RGS7: variants seen among roughly 807,000 people sequenced by gnomAD.
RGS7 encodes the protein regulator of G-protein signaling 7.
In RGS7, 27 loss-of-function variants were observed where a neutral mutation model predicts 81.1. The observed-to-expected ratio is 0.33, with a 90% CI of 0.25 to 0.46. The LOEUF is 0.46. Ranked by LOEUF, RGS7 falls within the 20% of genes least tolerant of loss-of-function variation. The pLI, the probability that RGS7 is intolerant of heterozygous loss-of-function variation, is 1.00. For synonymous variants in RGS7, 208 were observed against 207.7 expected (o/e 1.00, Z -0.01); for missense variants, 396 against 607.4 (o/e 0.65, Z 3.66).
intron 2 of RGS7, among the ~76,000 whole-genome samples, chr1:241,299,183 C>T (rs1014758271): frequency 2.0e-5 from 3 of 152,130 alleles, no homozygotes; most frequent in African/African-American, 7.2e-5. Context: ...ACAGGGCTAA[C>T]GAATCTGAGC....
chr1:240,823,084 G>A, intron 10 of RGS7: 1 of 842,966 alleles, frequency 1.2e-6, no homozygotes, highest in Non-Finnish European at 2.0e-6. Context: ...TGGAATTGCT[G>A]AAATAAGTGA....
At chr1:240,860,345 T>C (rs933631529) in intron 9 of RGS7, among the ~76,000 whole-genome samples, 2 of 152,170 alleles carry the variant, frequency 1.3e-5, no homozygotes, top group Admixed American at 6.5e-5. Flanking sequence ...CATTTCTCCT[T>C]GTACTTCTTT....
chr1:240,948,943 C>T (rs1000116832), intron 4 of RGS7, among the ~76,000 whole-genome samples: 30 of 151,860 alleles, frequency 2.0e-4, no homozygotes, highest in African/African-American at 5.1e-4. Flanking sequence ...TTTATTTTCT[C>T]GTTCTTCATT....
At chr1:241,211,151 G>A in intron 2 of RGS7, among the ~76,000 whole-genome samples, 1 of 152,124 alleles carries the variant, frequency 6.6e-6, no homozygotes, top group East Asian at 1.9e-4. Context: ...TGGGTGTGGT[G>A]GCGCTTGCCT....
chr1:241,274,053 C>T (rs970616279), intron 2 of RGS7, among the ~76,000 whole-genome samples: 1 of 152,150 alleles, frequency 6.6e-6, no homozygotes, highest in African/African-American at 2.4e-5. Flanking sequence ...AAATGTCTTG[C>T]CACTTTCTGG....
intron 2 of RGS7, among the ~76,000 whole-genome samples, chr1:241,295,264 T>C (rs1055730369): frequency 4.6e-5 from 7 of 150,840 alleles, no homozygotes; most frequent in South Asian, 2.1e-4. Context: ...CTGACGAACA[T>C]GATGAAACCC....
intron 2 of RGS7, among the ~76,000 whole-genome samples, chr1:241,328,958 A>T (rs1477038716): frequency 6.6e-6 from 1 of 152,204 alleles, no homozygotes; most frequent in East Asian, 1.9e-4. Flanking sequence ...CTAGAAATCA[A>T]CAATAAATGT....
At chr1:240,970,004 A>G (rs1349290786) in intron 4 of RGS7, among the ~76,000 whole-genome samples, 1 of 152,202 alleles carries the variant, frequency 6.6e-6, no homozygotes, top group Non-Finnish European at 1.5e-5. Flanking sequence ...GTTCAGAATA[A>G]TATATATCAA....
At chr1:241,232,114 T>C (rs2148066859) in intron 2 of RGS7, among the ~76,000 whole-genome samples, 1 of 152,354 alleles carries the variant, frequency 6.6e-6, no homozygotes, top group Middle Eastern at 3.4e-3. Flanking sequence ...TTTACACCTA[T>C]GTTGAAAACC....
chr1:240,799,743 A>C (rs1687729171), intron 18 of RGS7, among the ~76,000 whole-genome samples: 1 of 152,210 alleles, frequency 6.6e-6, no homozygotes, highest in South Asian at 2.1e-4. Context: ...AAAGGGTTGG[A>C]CATGGCTGCA....
chr1:241,218,097 C>G (rs1347314477), intron 2 of RGS7, among the ~76,000 whole-genome samples: 2 of 152,112 alleles, frequency 1.3e-5, no homozygotes, highest in African/African-American at 4.8e-5. Flanking sequence ...GCATGATGTT[C>G]TTCCTCACCT....
chr1:241,352,197 T>A (rs1414609497), intron 2 of RGS7, among the ~76,000 whole-genome samples: 1 of 152,162 alleles, frequency 6.6e-6, no homozygotes, highest in East Asian at 1.9e-4. Context: ...AACACTGAGT[T>A]TTGACTTGTC....
At chr1:241,131,702 CT>C (rs1250319575) in intron 2 of RGS7, among the ~76,000 whole-genome samples, 2 of 152,136 alleles carry the variant, frequency 1.3e-5, no homozygotes, top group Non-Finnish European at 2.9e-5. Context: ...GTCCTCTTTC[CT>C]TTTTACTATT....
chr1:241,331,384 A>G (rs1023560953), intron 2 of RGS7, among the ~76,000 whole-genome samples: 2 of 152,202 alleles, frequency 1.3e-5, no homozygotes, highest in Non-Finnish European at 2.9e-5. Flanking sequence ...GCTACATGCA[A>G]CTTAGCTTTG....
chr1:241,255,021 C>T (rs1573373734), intron 2 of RGS7, among the ~76,000 whole-genome samples: 2 of 152,264 alleles, frequency 1.3e-5, no homozygotes, highest in East Asian at 3.9e-4. Flanking sequence ...TAGAAGATGA[C>T]TGTTGAAGTC....
intron 9 of RGS7, among the ~76,000 whole-genome samples, chr1:240,865,064 C>T (rs1662983322): frequency 6.6e-6 from 1 of 152,002 alleles, no homozygotes; most frequent in Non-Finnish European, 1.5e-5. Context: ...AAGTGATCTG[C>T]TAGCTGCTTT....
intron 10 of RGS7, among the ~76,000 whole-genome samples, chr1:240,818,098 C>G (rs1007483881): frequency 8.6e-5 from 13 of 151,880 alleles, no homozygotes. Flanking sequence ...TAATGCCAAA[C>G]AAGAGGCAGG....
rs535560127 is a variant in RGS7 at position 240,777,429 on chromosome 1, T to C, written c.*7-1216A>G. On this transcript the variant is annotated intron_variant, in intron 18 of 18. Coordinates refer to ENST00000440928, the MANE Select transcript of RGS7 (RefSeq NM_001364886.1). ...GTACATCTCAGAAGATAAGTAAAAATTAAAAAATTGGAAACATATATTTTA... is the reference window on the plus strand; with the variant it reads ...GTACATCTCAGAAGATAAGTAAAAACTAAAAAATTGGAAACATATATTTTA... Among the ~76,000 whole-genome samples, 78 of 152,290 alleles carry C rather than the reference T, an allele frequency of 5.1e-4. 1 individual carries two copies. The Middle Eastern group carries it at 0.01, about 20-fold the overall frequency.
chr1:241,267,066 T>G (rs1348890384), intron 2 of RGS7, among the ~76,000 whole-genome samples: 1 of 152,198 alleles, frequency 6.6e-6, no homozygotes, highest in East Asian at 1.9e-4. Context: ...CCTGGAGACC[T>G]CTGCCTTCTA....
Sources: allele counts gnomAD v4.1 joint callset (sites outside exome capture counted in the v4.1 genomes callset), GRCh38; gene constraint gnomAD v4.1.1; transcripts MANE v1.5; gene names NCBI Gene and HGNC (gene_info 2026-07-23, HGNC 2026-07-21).